The following SLC7A14 variants were observed in gnomAD, a reference collection of about 807,000 sequenced individuals.
SLC7A14 encodes gamma-aminobutyric acid transporter SLC7A14.
Under a neutral mutation model 60.2 loss-of-function variants are expected in SLC7A14, and 37 were observed. That is an observed-to-expected ratio of 0.61 (90% CI 0.47 to 0.81). The LOEUF (loss-of-function observed/expected upper bound fraction) is 0.81. SLC7A14 is among the 30% of genes least tolerant of loss of function. The pLI is 0.00. For missense variants in SLC7A14, 886 were observed against 982.7 expected (o/e 0.90, Z 1.32); for synonymous variants, 399 against 395.8 (o/e 1.01, Z -0.10).
chr3:170,488,506 C>T (rs1393965602), intron 4 of SLC7A14, among the ~76,000 whole-genome samples: 1 of 152,176 alleles, frequency 6.6e-6, no homozygotes, highest in Non-Finnish European at 1.5e-5. Flanking sequence ...TGCTAGACTG[C>T]TGGCTCACTA....
At chr3:170,575,687 G>A (rs1715070685) in intron 1 of SLC7A14, among the ~76,000 whole-genome samples, 1 of 152,168 alleles carries the variant, frequency 6.6e-6, no homozygotes, top group African/African-American at 2.4e-5. Flanking sequence ...CTAGGTTCTA[G>A]CTCTTATACT....
chr3:170,486,421 T>A, intron 4 of SLC7A14, 53 bp from the exon 5 acceptor site: 1 of 1,612,626 alleles, frequency 6.2e-7, no homozygotes, highest in South Asian at 1.1e-5. Flanking sequence ...GGCACCTGGG[T>A]CTTAAATGTG....
At chr3:170,528,727 T>C (rs916533110) in intron 1 of SLC7A14, among the ~76,000 whole-genome samples, 1 of 152,222 alleles carries the variant, frequency 6.6e-6, no homozygotes, top group African/African-American at 2.4e-5. Context: ...ACGCCAGAGA[T>C]ATTTAACAGG....
At position 170,585,304 on chromosome 3, in the gene SLC7A14, C is replaced by T. The variant is rs576222093; in HGVS notation, c.-153+607G>A. Among the ~76,000 whole-genome samples the T allele has an allele frequency of 1.3e-4, 20 of 152,200 alleles. No individual in the cohort carries two copies. Among genetic ancestry groups the T allele is most frequent in the Admixed American group, 1.2e-3 (18 of 15,306 alleles). On this transcript the variant is annotated intron_variant, in intron 1 of 7. Transcript: ENST00000231706. This position sits in a 1 kb window ranked among gnomAD's most constrained non-coding sequence, Gnocchi z 5.1. Reference sequence around the variant, plus strand: ...CGCTCCCGGGAGAGTCACCACTCTCCGGGGACAGACGCCCCTCGGGGCGCC... The same window carrying T: ...CGCTCCCGGGAGAGTCACCACTCTCTGGGGACAGACGCCCCTCGGGGCGCC...
chr3:170,478,311 CA>C (rs774362948), intron 7 of SLC7A14, among the ~76,000 whole-genome samples: 11 of 152,160 alleles, frequency 7.2e-5, no homozygotes, highest in Non-Finnish European at 1.6e-4. Context: ...CTCCTAAACT[CA>C]GGTGATCTGC....
chr3:170,552,183 T>A (rs1174998913), intron 1 of SLC7A14, among the ~76,000 whole-genome samples: 1 of 152,182 alleles, frequency 6.6e-6, no homozygotes, highest in Non-Finnish European at 1.5e-5. Context: ...TTTTCCCTAC[T>A]GAATTGTGTT....
intron 2 of SLC7A14, among the ~76,000 whole-genome samples, chr3:170,524,318 C>T (rs1713427643): frequency 6.6e-6 from 1 of 152,130 alleles, no homozygotes; most frequent in Non-Finnish European, 1.5e-5. Context: ...TGAGCTGGCT[C>T]CAGCATAACA....
rs1715355309 is a variant in SLC7A14 at position 170,585,383 on chromosome 3, C to T, written c.-153+528G>A. On this transcript the variant is annotated intron_variant, in intron 1 of 7. Transcript: ENST00000231706. The surrounding 1 kb of genome is among the most constrained non-coding windows in gnomAD (Gnocchi z 5.1). ...CGGGAGTCCCTTTGAGGAGTTTGCT[C>T]CCAGGTAAAAGGGCAGACGTTGCTC... Among the ~76,000 whole-genome samples the T allele has an allele frequency of 1.3e-5, 2 of 152,148 alleles. No homozygotes were observed. The highest frequency in any genetic ancestry group is 2.4e-5 in the African/African-American group (1 of 41,450).
Position 170,460,597 on chromosome 3 carries a change from T to C in SLC7A14, c.*6458A>G, listed in dbSNP as rs1291920950. The stretch of plus-strand genomic sequence containing the variant: ...CCCCAAATCAGAATGAACACAGTCC[T>C]TTAAAGTCTGCACTGCAGGTGAAAT... On this transcript the variant is annotated 3_prime_UTR_variant, in exon 8 of 8. Coordinates refer to ENST00000231706, the MANE Select transcript of SLC7A14 (RefSeq NM_020949.3). 1 of 152,146 alleles carries C rather than the reference T, an allele frequency of 6.6e-6. No individual in the cohort carries two copies. Among genetic ancestry groups the C allele is most frequent in the Non-Finnish European group, 1.5e-5 (1 of 68,026 alleles). 9.4% of individuals were successfully genotyped at this position (152,146 alleles called of 1,614,324 possible). A position where few individuals can be genotyped will look rare whatever the true frequency, so the allele number is the denominator to read the frequency against.
chr3:170,516,648 C>T (rs887893183), intron 2 of SLC7A14, among the ~76,000 whole-genome samples: 3 of 151,914 alleles, frequency 2.0e-5, no homozygotes, highest in Non-Finnish European at 2.9e-5. Flanking sequence ...ACACCTATAG[C>T]CTCAGCTACT....
chr3:170,547,488 T>C lies in SLC7A14; in HGVS notation c.-152-20400A>G, dbSNP rs371815495. ...TATGTCATATATATTATATACTGTATTCTTACAATAAAATAAGCTAGAGAA... is the reference window on the plus strand; with the variant it reads ...TATGTCATATATATTATATACTGTACTCTTACAATAAAATAAGCTAGAGAA... On this transcript the variant is annotated intron_variant, in intron 1 of 7. Coordinates refer to ENST00000231706, the MANE Select transcript of SLC7A14 (RefSeq NM_020949.3). 3.9e-5 allele frequency among the ~76,000 whole-genome samples: 6 copies of C among 152,322 alleles called. No individual in the cohort carries two copies. The South Asian group carries it at 1.2e-3, about 32-fold the overall frequency.
chr3:170,519,129 G>A (rs181754809), intron 2 of SLC7A14, among the ~76,000 whole-genome samples: 10 of 152,280 alleles, frequency 6.6e-5, no homozygotes, highest in Admixed American at 6.5e-4. Flanking sequence ...GAGACTTAGA[G>A]CCAGAATAGT....
chr3:170,511,404 A>C (rs533425327), intron 2 of SLC7A14, among the ~76,000 whole-genome samples: 1 of 152,162 alleles, frequency 6.6e-6, no homozygotes, highest in Non-Finnish European at 1.5e-5. Flanking sequence ...TCTTAAAAAA[A>C]AAAGAAAAAA....
intron 2 of SLC7A14, among the ~76,000 whole-genome samples, chr3:170,505,680 G>T (rs930527022): frequency 3.3e-5 from 5 of 152,146 alleles, no homozygotes; most frequent in African/African-American, 9.7e-5. Context: ...GAGGTCAAGA[G>T]TTTGAGACCA....
intron 1 of SLC7A14, among the ~76,000 whole-genome samples, chr3:170,548,935 A>C (rs1311426543): frequency 6.6e-6 from 1 of 152,332 alleles, no homozygotes; most frequent in Admixed American, 6.5e-5. Context: ...TCTGAGTTCC[A>C]TGAAGGCAGA....
At chr3:170,547,494 C>T (rs901819149) in intron 1 of SLC7A14, among the ~76,000 whole-genome samples, 1 of 151,738 alleles carries the variant, frequency 6.6e-6, no homozygotes, top group South Asian at 2.1e-4. Flanking sequence ...TGTATTCTTA[C>T]AATAAAATAA....
At chr3:170,582,198 T>G (rs769272020) in intron 1 of SLC7A14, among the ~76,000 whole-genome samples, 81 of 152,166 alleles carry the variant, frequency 5.3e-4, no homozygotes, top group Non-Finnish European at 9.3e-4. Flanking sequence ...TTTTTCTTTC[T>G]TTCTTGGCAG....
chr3:170,497,640 C>T (rs955329266), intron 4 of SLC7A14, among the ~76,000 whole-genome samples: 4 of 152,224 alleles, frequency 2.6e-5, no homozygotes, highest in Non-Finnish European at 4.4e-5. Flanking sequence ...ACCAGGTAAC[C>T]TCTAAGGTCC....
At chr3:170,516,362 G>A (rs1713158747) in intron 2 of SLC7A14, among the ~76,000 whole-genome samples, 1 of 151,994 alleles carries the variant, frequency 6.6e-6, no homozygotes, top group Admixed American at 6.6e-5. Flanking sequence ...TGAGGTACAG[G>A]GTCTTTTGAA....
Sources: allele counts gnomAD v4.1 joint callset (sites outside exome capture counted in the v4.1 genomes callset), GRCh38; gene constraint gnomAD v4.1.1; non-coding constraint Gnocchi (gnomAD v3.1); transcripts MANE v1.5; gene names NCBI Gene and HGNC (gene_info 2026-07-23, HGNC 2026-07-21).